The following DGKD variants were observed in gnomAD, a reference collection of about 807,000 sequenced individuals.
DGKD encodes the protein diacylglycerol kinase delta.
DGKD carries 68 observed loss-of-function variants against 154.4 expected under a neutral mutation model. The ratio of observed to expected loss-of-function variants is 0.44; its 90% CI spans 0.36 to 0.54. The LOEUF is 0.54. Ranked by LOEUF, DGKD falls within the 20% of genes least tolerant of loss-of-function variation. The pLI, the probability that DGKD is intolerant of heterozygous loss-of-function variation, is 0.00. For missense variants in DGKD, 1,343 were observed against 1,593.6 expected, an observed-to-expected ratio of 0.84 and a Z score of 2.68; for synonymous variants, 693 against 638.0, an observed-to-expected ratio of 1.09 and a Z score of -1.30.
chr2:233,398,092 C>A (rs1453895502), intron 3 of DGKD, among the ~76,000 whole-genome samples: 1 of 110,988 alleles, frequency 9.0e-6, no homozygotes, highest in Non-Finnish European at 1.7e-5. Flanking sequence ...ACCCCCCACC[C>A]CCGATTTTGG....
rs571198369 is a variant in DGKD at position 233,424,074 on chromosome 2, G to T, written c.349-10306G>T. ...TGGACCCGTGAAAAGTGAAGAGGGG[G>T]TCCATTCAGAATGTTGTGCCTCTAC... On this transcript the variant is annotated intron_variant, in intron 3 of 29. Transcript: ENST00000264057. 8.5e-5 allele frequency among the ~76,000 whole-genome samples: 13 copies of T among 152,232 alleles called. No individual in the cohort carries two copies. The South Asian group carries it at 2.1e-3, about 24-fold the overall frequency.
intron 3 of DGKD, among the ~76,000 whole-genome samples, chr2:233,410,448 A>G (rs1267518566): frequency 6.6e-6 from 1 of 152,102 alleles, no homozygotes; most frequent in Non-Finnish European, 1.5e-5. Flanking sequence ...TGAAAACTTG[A>G]TGGTTTGCTT....
chr2:233,383,590 G>A (rs1028173945), intron 1 of DGKD, among the ~76,000 whole-genome samples: 3 of 152,128 alleles, frequency 2.0e-5, no homozygotes, highest in Admixed American at 6.5e-5. Context: ...TCTGCTGGAC[G>A]TTTTGAAGTT....
At chr2:233,429,287 A>C (rs188725130) in intron 3 of DGKD, 31 of 985,274 alleles carry the variant, frequency 3.1e-5, no homozygotes, top group Middle Eastern at 5.2e-4. Flanking sequence ...ATAATCCCCG[A>C]GTTATGCACA....
In DGKD at chr2:233,380,928, G is replaced by A. The variant is rs1029945701; in HGVS notation, c.157-7329G>A. Among the ~76,000 whole-genome samples, 5 of 152,160 alleles carry A rather than the reference G, an allele frequency of 3.3e-5. No individual in the cohort carries two copies. In the East Asian group the frequency reaches 9.6e-4, roughly 29 times the overall value. ...GGCATAGGAGCTTTGGGACATGGTC[G>A]TTTTTAATAATCCTGGTGGCAGTGC... On this transcript the variant is annotated intron_variant, in intron 1 of 29. Transcript: ENST00000264057.
At chr2:233,361,940 T>G (rs1437874352) in intron 1 of DGKD, among the ~76,000 whole-genome samples, 2 of 151,992 alleles carry the variant, frequency 1.3e-5, no homozygotes, top group Non-Finnish European at 1.5e-5. Flanking sequence ...GGATTACAGG[T>G]GCCCATCACC....
At chr2:233,431,299 A>T (rs544294297) in intron 3 of DGKD, among the ~76,000 whole-genome samples, 3 of 152,240 alleles carry the variant, frequency 2.0e-5, no homozygotes, top group Non-Finnish European at 4.4e-5. Context: ...TGAATACTAC[A>T]AAACATTGAT....
chr2:233,425,966 C>G (rs747195293), intron 3 of DGKD, among the ~76,000 whole-genome samples: 5 of 152,144 alleles, frequency 3.3e-5, no homozygotes, highest in Admixed American at 3.3e-4. Flanking sequence ...ACAGATTTTA[C>G]CAAATGGTTT....
rs73995980 is a variant in DGKD, at chr2:233,462,864, G to A, written c.3186+129G>A. 7,017 of 818,904 alleles carry A rather than the reference G, an allele frequency of 8.6e-3. 329 individuals are homozygous for A. In the African/African-American group the frequency reaches 0.11, roughly 13 times the overall value. The allele number at this position is 818,904 out of a possible 1,614,324, so 50.7% of individuals were successfully genotyped here. On this transcript the variant is annotated intron_variant, in intron 26 of 29. Transcript: ENST00000264057. The stretch of plus-strand genomic sequence containing the variant: ...CCGGTCTTAAGGAATGGGCCGCAGA[G>A]GTCATTTGGTTTGTTGTGCGGCTGG...
At chr2:233,388,435 G>T (rs922006079) in intron 2 of DGKD, 68 bp downstream of exon 2, 49 of 1,462,020 alleles carry the variant, frequency 3.4e-5, no homozygotes, top group Non-Finnish European at 4.1e-5. Context: ...GGAACTGGGG[G>T]TGCTGAGTCC....
At chr2:233,370,212 T>C (rs1702240566) in intron 1 of DGKD, among the ~76,000 whole-genome samples, 1 of 152,088 alleles carries the variant, frequency 6.6e-6, no homozygotes, top group Non-Finnish European at 1.5e-5. Flanking sequence ...GGATATTTCA[T>C]TTATTATTTA....
rs1035511188 is a variant in DGKD, at chr2:233,469,749, G to C, written c.*289G>C. On this transcript the variant is annotated 3_prime_UTR_variant, in exon 30 of 30. Coordinates refer to ENST00000264057, the MANE Select transcript of DGKD (RefSeq NM_152879.3). ...TGTCACGGCCACTCAGCTCTCGCCC[G>C]CCTGTGCTGTGGGCCAGGGAATCCA... 1 of 390,672 alleles carries C rather than the reference G, an allele frequency of 2.6e-6. No individual in the cohort carries two copies. The highest frequency in any genetic ancestry group is 4.0e-5 in the Admixed American group (1 of 25,034). 24.2% of individuals were successfully genotyped at this position (390,672 alleles called of 1,614,324 possible). A position where few individuals can be genotyped will look rare whatever the true frequency, so the allele number is the denominator to read the frequency against.
intron 3 of DGKD, among the ~76,000 whole-genome samples, chr2:233,418,398 C>G (rs951271385): frequency 8.5e-5 from 13 of 152,194 alleles, no homozygotes; most frequent in African/African-American, 1.9e-4. Flanking sequence ...CTAGTTTTCT[C>G]ACAGTTGAAC....
At chr2:233,446,620 C>A in intron 11 of DGKD, 92 bp from the exon 12 acceptor site, 1 of 1,335,720 alleles carries the variant, frequency 7.5e-7, no homozygotes, top group Non-Finnish European at 1.0e-6. Context: ...GTGTAAAGAT[C>A]AAGGCTGCCA....
At position 233,457,508 on chromosome 2, in the gene DGKD, C is replaced by T. The variant is rs1421485635; in HGVS notation, c.2580+180C>T. ...CCAGCTCATCGTCTAGAGGGCTGAGCAGAGCAGTTGTGTCAGTGAAGGTGG... is the reference window on the plus strand; with the variant it reads ...CCAGCTCATCGTCTAGAGGGCTGAGTAGAGCAGTTGTGTCAGTGAAGGTGG... On this transcript the variant is annotated intron_variant, in intron 21 of 29. Transcript: ENST00000264057. The surrounding 1 kb of genome is among the most constrained non-coding windows in gnomAD (Gnocchi z 5.5). 2.9e-6 allele frequency: 2 copies of T among 685,438 alleles called. No homozygotes were observed. Among genetic ancestry groups the T allele is most frequent in the South Asian group, 3.0e-5 (2 of 66,822 alleles). The allele number at this position is 685,438 out of a possible 1,614,324, so 42.5% of individuals were successfully genotyped here. A position where few individuals can be genotyped will look rare whatever the true frequency, so the allele number is the denominator to read the frequency against.
At chr2:233,450,850 C>T (rs2063259957) in intron 16 of DGKD, 72 bp from the exon 17 acceptor site, 9 of 1,544,588 alleles carry the variant, frequency 5.8e-6, no homozygotes, top group East Asian at 2.3e-5. Context: ...CTGCTCGTGT[C>T]GCTAAGGACC....
chr2:233,387,454 T>C (rs778756269), intron 1 of DGKD, among the ~76,000 whole-genome samples: 2 of 152,158 alleles, frequency 1.3e-5, no homozygotes, highest in Non-Finnish European at 2.9e-5. Flanking sequence ...TGTTAATGGC[T>C]CCGAGTACGT....
chr2:233,435,025 C>A, intron 5 of DGKD, 124 bp downstream of exon 5: 1 of 1,341,036 alleles, frequency 7.5e-7, no homozygotes, highest in Non-Finnish European at 1.0e-6. Context: ...CAGTCAAGGG[C>A]ACAGCGATTT....
chr2:233,424,286 A>G (rs967574058), intron 3 of DGKD, among the ~76,000 whole-genome samples: 1 of 152,198 alleles, frequency 6.6e-6, no homozygotes, highest in African/African-American at 2.4e-5. Context: ...GCATGTCCAA[A>G]TTCATGGTTA....
Sources: allele counts gnomAD v4.1 joint callset (sites outside exome capture counted in the v4.1 genomes callset), GRCh38; gene constraint gnomAD v4.1.1; non-coding constraint Gnocchi (gnomAD v3.1); transcripts MANE v1.5; gene names NCBI Gene and HGNC (gene_info 2026-07-23, HGNC 2026-07-21).